Variants in DIP2C observed in about 807,000 individuals in gnomAD.
The protein encoded by DIP2C is DIP2 acetate--CoA ligase C (putative).
In DIP2C, 33 loss-of-function variants were observed where a neutral mutation model predicts 192.4. The observed-to-expected ratio is 0.17, with a 90% CI of 0.13 to 0.23. DIP2C has a LOEUF of 0.23. Ranked by LOEUF, DIP2C falls within the 10% of genes least tolerant of loss-of-function variation. DIP2C has a pLI of 1.00. For synonymous variants in DIP2C, 979 were observed against 864.1 expected (o/e 1.13, Z -2.33); for missense variants, 1,537 against 2,110.1 (o/e 0.73, Z 5.32).
At chr10:574,544 G>A (rs1564214735) in intron 1 of DIP2C, among the ~76,000 whole-genome samples, 1 of 114,194 alleles carries the variant, frequency 8.8e-6, no homozygotes, top group African/African-American at 3.9e-5. Context: ...TCGTGGTGGG[G>A]CACCCTGATA....
At chr10:687,027 A>G (rs561884966) in intron 1 of DIP2C, among the ~76,000 whole-genome samples, 2 of 152,348 alleles carry the variant, frequency 1.3e-5, no homozygotes, top group East Asian at 3.9e-4. Context: ...ATGTTTCTAT[A>G]ATATTTTCTG....
chr10:671,888 GACAC>G (rs1217815349), intron 1 of DIP2C, among the ~76,000 whole-genome samples: 1 of 137,930 alleles, frequency 7.3e-6, no homozygotes, highest in African/African-American at 2.8e-5. Flanking sequence ...ACAGGCCATA[GACAC>G]ACGGACGGAG....
chr10:369,370 T>C, intron 18 of DIP2C, 124 bp downstream of exon 18: 1 of 1,216,508 alleles, frequency 8.2e-7, no homozygotes, highest in Non-Finnish European at 1.1e-6. Flanking sequence ...AGACTGGGAG[T>C]GAGGCTCTCA....
chr10:489,078 G>A (rs938036971), intron 1 of DIP2C, among the ~76,000 whole-genome samples: 3 of 152,198 alleles, frequency 2.0e-5, no homozygotes, highest in Non-Finnish European at 4.4e-5. Context: ...ACGGCTTGAT[G>A]TGCATGCTAC....
Position 415,769 on chromosome 10 carries a change from C to T in DIP2C, c.859G>A (p.Val287Ile), listed in dbSNP as rs771465975. The part of the protein sequence containing the change: ...FVDDFEELLE[V>I]QQPDPNQPKP... ...AACGTGTGGTAAAGAGTTCTCTCAC[C>T]TTCTAATAATTCTTCAAAGTCATCG... Residue 287 changes from valine to isoleucine, a missense_variant and splice_region_variant, in exon 7 of 37, where the codon GTT (valine) becomes ATT (isoleucine). This residue lies in a region of DIP2C where 473 missense variants were observed against 539.6 expected (regional missense o/e 0.88). Transcript: ENST00000280886. 2 of 1,613,930 alleles carry T rather than the reference C, an allele frequency of 1.2e-6. No individual in the cohort carries two copies. The highest frequency in any genetic ancestry group is 1.7e-6 in the Non-Finnish European group (2 of 1,179,908).
At chr10:361,023 G>A (rs757324012) in intron 22 of DIP2C, among the ~76,000 whole-genome samples, 1 of 152,182 alleles carries the variant, frequency 6.6e-6, no homozygotes, top group Non-Finnish European at 1.5e-5. Flanking sequence ...CCCCGGGGCA[G>A]GGGACGTCTG....
intron 1 of DIP2C, among the ~76,000 whole-genome samples, chr10:522,737 T>C (rs1040581694): frequency 2.0e-5 from 3 of 152,240 alleles, no homozygotes; most frequent in African/African-American, 7.2e-5. Context: ...CATTTTCTTA[T>C]TATTGGGTTT....
rs189693928 is a variant in DIP2C, at chr10:436,477, G to A, written c.394+4394C>T. On this transcript the variant is annotated intron_variant, in intron 4 of 36. Coordinates refer to ENST00000280886, the MANE Select transcript of DIP2C (RefSeq NM_014974.3). Reference sequence around the variant, plus strand: ...TGGACTTGGCAGGGTGGCATGCTCCGCCCACACCAGAGCTCTCTCCGAGCT... The same window carrying A: ...TGGACTTGGCAGGGTGGCATGCTCCACCCACACCAGAGCTCTCTCCGAGCT... Among the ~76,000 whole-genome samples the A allele has an allele frequency of 2.0e-3, 309 of 151,312 alleles. 2 individuals carry two copies. Among genetic ancestry groups the A allele is most frequent in the Middle Eastern group, 0.01 (3 of 288 alleles).
At chr10:564,392 C>A (rs1337048648) in intron 1 of DIP2C, among the ~76,000 whole-genome samples, 1 of 152,022 alleles carries the variant, frequency 6.6e-6, no homozygotes, top group Non-Finnish European at 1.5e-5. Context: ...ACTCACTCCC[C>A]TTCTCACCCA....
At chr10:370,134 C>T (rs1960789976) in intron 17 of DIP2C, 1 of 765,692 alleles carries the variant, frequency 1.3e-6, no homozygotes, top group Non-Finnish European at 1.6e-6. Flanking sequence ...TGGGCGTATG[C>T]CCAATTTTAT....
intron 1 of DIP2C, among the ~76,000 whole-genome samples, chr10:648,516 T>C (rs1460027543): frequency 4.7e-5 from 7 of 148,646 alleles, no homozygotes; most frequent in South Asian, 4.4e-4. Flanking sequence ...CACATCCACA[T>C]TGGATGGTGG....
At chr10:277,756 G>C (rs1206291122) in intron 36 of DIP2C, among the ~76,000 whole-genome samples, 179 bp from the exon 37 acceptor site, 4 of 151,822 alleles carry the variant, frequency 2.6e-5, no homozygotes, top group Non-Finnish European at 5.9e-5. Flanking sequence ...AGACTTCCTG[G>C]CGACAGCACC....
intron 4 of DIP2C, among the ~76,000 whole-genome samples, chr10:433,561 G>C (rs1966935478): frequency 6.6e-6 from 1 of 152,074 alleles, no homozygotes; most frequent in South Asian, 2.1e-4. Flanking sequence ...AATGCCTGTA[G>C]TCCCAGCTAC....
intron 28 of DIP2C, 107 bp from the exon 29 acceptor site, chr10:341,436 T>C (rs1165312699): frequency 2.0e-6 from 3 of 1,507,406 alleles, no homozygotes; most frequent in Admixed American, 3.5e-5. Flanking sequence ...GCATCGGACC[T>C]GACACCCTCA....
At chr10:335,562 G>A (rs1441533243) in intron 29 of DIP2C, among the ~76,000 whole-genome samples, 2 of 152,240 alleles carry the variant, frequency 1.3e-5, no homozygotes, top group Admixed American at 6.5e-5. Context: ...ACGACACCAG[G>A]CTTTGGGAAG....
At chr10:604,469 C>A (rs1483119913) in intron 1 of DIP2C, among the ~76,000 whole-genome samples, 1 of 152,204 alleles carries the variant, frequency 6.6e-6, no homozygotes, top group African/African-American at 2.4e-5. Context: ...AGAGGCCAAG[C>A]AATAAGACTT....
intron 17 of DIP2C, among the ~76,000 whole-genome samples, chr10:381,427 G>C (rs1962364330): frequency 6.6e-6 from 1 of 152,006 alleles, no homozygotes; most frequent in South Asian, 2.1e-4. Context: ...CGGTCCTTCG[G>C]TGTGTTGAGC....
chr10:452,161 A>T (rs1968903128), intron 3 of DIP2C, among the ~76,000 whole-genome samples: 1 of 152,126 alleles, frequency 6.6e-6, no homozygotes, highest in Non-Finnish European at 1.5e-5. Flanking sequence ...AGCAACACAA[A>T]CCAGTGGAGT....
At chr10:670,264 A>G (rs969488612) in intron 1 of DIP2C, among the ~76,000 whole-genome samples, 11 of 142,412 alleles carry the variant, frequency 7.7e-5, no homozygotes, top group Non-Finnish European at 1.1e-4. Flanking sequence ...ACATGCACAT[A>G]CACGCATGCA....
Sources: gnomAD v4.1 joint callset for allele counts (sites outside exome capture counted in the v4.1 genomes callset) on GRCh38, gnomAD v4.1.1 for gene constraint, gnomAD v4.1.1 regional missense constraint, MANE v1.5 for transcripts, NCBI Gene and HGNC (gene_info 2026-07-23, HGNC 2026-07-21) for gene names.